The following HEATR3 variants were observed in gnomAD, a reference collection of about 807,000 sequenced individuals.
HEATR3 encodes HEAT repeat-containing protein 3.
Under a neutral mutation model 72.8 loss-of-function variants are expected in HEATR3, and 56 were observed. That is an observed-to-expected ratio of 0.77 (90% CI 0.62 to 0.96). The LOEUF (loss-of-function observed/expected upper bound fraction) is 0.96, where lower values mean the gene tolerates loss of function less well. HEATR3 is among the 40% of genes least tolerant of loss of function. The pLI is 0.00. For synonymous variants in HEATR3, 331 were observed against 318.1 expected (o/e 1.04, Z -0.43); for missense variants, 747 against 831.4 (o/e 0.90, Z 1.25).
intron 12 of HEATR3, among the ~76,000 whole-genome samples, chr16:50,096,399 A>AT (rs1447397089): frequency 6.6e-6 from 1 of 151,844 alleles, no homozygotes; most frequent in Admixed American, 6.6e-5. Context: ...TCAGGATCTA[A>AT]GCAAGGTTCA....
chr16:50,078,728 G>T lies in HEATR3; in HGVS notation c.764-13G>T. 1 of 1,601,920 alleles carries T rather than the reference G, an allele frequency of 6.2e-7. No homozygotes were observed. The highest frequency in any genetic ancestry group is 8.5e-7 in the Non-Finnish European group (1 of 1,174,780). ...ACAGGCATTTCTTATCCTTATGCTT[G>T]TTTTTTTCCCAGGCACAATTTGGAA... On this transcript the variant is annotated splice_polypyrimidine_tract_variant and intron_variant, in intron 6 of 14. Coordinates refer to ENST00000299192, the MANE Select transcript of HEATR3 (RefSeq NM_182922.4).
In HEATR3 at chr16:50,066,036, G is replaced by A. The variant is rs2036478149; in HGVS notation, c.-96G>A. ...GCTGCAGCCGTCAGCCGGCCCAGCT[G>A]AGCAGCAGCAACGGACCTTGTTAAC... On this transcript the variant is annotated 5_prime_UTR_variant, in exon 1 of 15. The change abolishes the stop of an existing upstream ORF in the 5' untranslated region. Transcript: ENST00000299192. 1.5e-6 allele frequency: 2 copies of A among 1,339,786 alleles called. No homozygotes were observed. The highest frequency in any genetic ancestry group is 2.9e-5 in the East Asian group (1 of 34,172). The allele number at this position is 1,339,786 out of a possible 1,614,324, so 83.0% of individuals were successfully genotyped here. A position where few individuals can be genotyped will look rare whatever the true frequency, so the allele number is the denominator to read the frequency against.
At position 50,100,393 on chromosome 16, in the gene HEATR3, A is replaced by C. The variant is rs779141465; in HGVS notation, c.1743+20A>C. 13 of 1,610,528 alleles carry C rather than the reference A, an allele frequency of 8.1e-6. No individual in the cohort carries two copies. Among genetic ancestry groups the C allele is most frequent in the Non-Finnish European group, 1.1e-5 (13 of 1,177,552 alleles). On this transcript the variant is annotated intron_variant, in intron 13 of 14. Transcript: ENST00000299192. ...CTTAAGGTAAAACAATTTGCTTCTG[A>C]CCTAACATGTTAAATAATTAGAAAT...
intron 11 of HEATR3, among the ~76,000 whole-genome samples, chr16:50,088,162 T>C (rs1007818236): frequency 7.9e-5 from 12 of 152,184 alleles, no homozygotes; most frequent in African/African-American, 2.2e-4. Flanking sequence ...TTTAACTAAA[T>C]ACAAGTTTTT....
At chr16:50,072,231 C>T (rs920519070) in intron 4 of HEATR3, among the ~76,000 whole-genome samples, 3 of 152,118 alleles carry the variant, frequency 2.0e-5, no homozygotes, top group Non-Finnish European at 2.9e-5. Flanking sequence ...CCTGGCTCTA[C>T]CACTAACAAA....
rs1387310694 is a variant in HEATR3 at position 50,078,725 on chromosome 16, C to T, written c.764-16C>T. On this transcript the variant is annotated splice_polypyrimidine_tract_variant and intron_variant, in intron 6 of 14. Coordinates refer to ENST00000299192, the MANE Select transcript of HEATR3 (RefSeq NM_182922.4). ...TTCACAGGCATTTCTTATCCTTATG[C>T]TTGTTTTTTTCCCAGGCACAATTTG... is the stretch of plus-strand genomic sequence containing the variant. 2.5e-6 allele frequency: 4 copies of T among 1,600,706 alleles called. No homozygotes were observed. Among genetic ancestry groups the T allele is most frequent in the Non-Finnish European group, 3.4e-6 (4 of 1,174,178 alleles).
intron 13 of HEATR3, chr16:50,100,621 A>C (rs1465842879): frequency 2.2e-6 from 1 of 450,324 alleles, no homozygotes; most frequent in East Asian, 4.5e-5. Flanking sequence ...TTTTTAAAAA[A>C]ATAAATCTGT....
In HEATR3 at chr16:50,086,243, T is replaced by C. The variant is rs912619158; in HGVS notation, c.1402T>C (p.Phe468Leu). 2 of 1,580,040 alleles carry C rather than the reference T, an allele frequency of 1.3e-6. No individual in the cohort carries two copies. Among genetic ancestry groups the C allele is most frequent in the Non-Finnish European group, 1.7e-6 (2 of 1,161,356 alleles). The part of the protein sequence containing the change: ...KMNTIQCRAL[F>L]CLQSLVSLLD... ...GAACACTATTCAGTGCAGAGCCCTCTTCTGTCTCCAGAGTCTTGTGTCCCT... is the reference window on the plus strand; with the variant it reads ...GAACACTATTCAGTGCAGAGCCCTCCTCTGTCTCCAGAGTCTTGTGTCCCT... The change falls in exon 11 of 15, where the codon TTC becomes CTC. Residue 468 changes from phenylalanine (F) to leucine (L), a missense_variant. By Grantham distance (22) the Phe-to-Leu change is conservative (BLOSUM62 0). Coordinates refer to ENST00000299192, the MANE Select transcript of HEATR3 (RefSeq NM_182922.4).
chr16:50,095,354 A>T (rs8047421), intron 12 of HEATR3, among the ~76,000 whole-genome samples: 1 of 147,904 alleles, frequency 6.8e-6, no homozygotes, highest in Non-Finnish European at 1.5e-5. Context: ...TGATCCACCC[A>T]CCTTGGCCTC....
chr16:50,091,775 G>A (rs954097723), intron 11 of HEATR3, among the ~76,000 whole-genome samples: 1 of 151,356 alleles, frequency 6.6e-6, no homozygotes, highest in Admixed American at 6.6e-5. Context: ...TCGGGAGGCT[G>A]AGGCAGGAGA....
intron 6 of HEATR3, 93 bp downstream of exon 6, chr16:50,075,804 T>A (rs777689032): frequency 5.8e-6 from 6 of 1,035,864 alleles, no homozygotes; most frequent in Non-Finnish European, 8.6e-6. Context: ...TTCAACACAT[T>A]AGGTCTTCTG....
chr16:50,106,872 G>T lies in HEATR3; in HGVS notation c.*1811G>T, dbSNP rs1232669628. Among the ~76,000 whole-genome samples, 1 of 152,142 alleles carries T rather than the reference G, an allele frequency of 6.6e-6. No individual in the cohort carries two copies. The highest frequency in any genetic ancestry group is 2.4e-5 in the African/African-American group (1 of 41,428). On this transcript the variant is annotated 3_prime_UTR_variant, in exon 15 of 15. Transcript: ENST00000299192. The stretch of plus-strand genomic sequence containing the variant: ...AACCAAGATTGTTTCCCAGCCCTAA[G>T]AGTTCCTAGCCCATGGCACCAAGTA...
chr16:50,093,541 C>A (rs528494675), intron 11 of HEATR3, among the ~76,000 whole-genome samples: 130 of 152,152 alleles, frequency 8.5e-4, no homozygotes, highest in Non-Finnish European at 1.6e-3. Context: ...AGGAATGTTC[C>A]TTCACATCCT....
chr16:50,066,309 G>T (rs774187891), intron 1 of HEATR3, 40 bp downstream of exon 1: 3 of 1,570,396 alleles, frequency 1.9e-6, no homozygotes, highest in Non-Finnish European at 2.6e-6. Flanking sequence ...GCGAGACGAG[G>T]TTGCCCCGCG....
At chr16:50,071,019 A>G (rs2036599273) in intron 4 of HEATR3, among the ~76,000 whole-genome samples, 1 of 152,092 alleles carries the variant, frequency 6.6e-6, no homozygotes, top group South Asian at 2.1e-4. Context: ...CTTTCCTGGC[A>G]CTTACTGTCT....
intron 2 of HEATR3, among the ~76,000 whole-genome samples, chr16:50,067,542 G>A (rs890580212): frequency 6.6e-6 from 1 of 152,094 alleles, no homozygotes; most frequent in Non-Finnish European, 1.5e-5. Context: ...GCTGAGAAGA[G>A]CAGGGGTGGG....
chr16:50,094,532 AG>A (rs1245475177), intron 11 of HEATR3, among the ~76,000 whole-genome samples, 172 bp from the exon 12 acceptor site: 2 of 152,110 alleles, frequency 1.3e-5, no homozygotes, highest in South Asian at 4.1e-4. Flanking sequence ...TAGAGTGTAC[AG>A]GGGGCTGTTA....
intron 7 of HEATR3, among the ~76,000 whole-genome samples, chr16:50,079,317 C>T (rs1399150297): frequency 6.6e-6 from 1 of 152,200 alleles, no homozygotes; most frequent in East Asian, 1.9e-4. Context: ...ACTCTTGCTT[C>T]TCCCCACTTC....
At chr16:50,072,843 A>C in intron 5 of HEATR3, 129 bp downstream of exon 5, 1 of 651,952 alleles carries the variant, frequency 1.5e-6, no homozygotes, top group African/African-American at 1.8e-5. Flanking sequence ...GTAGCTCAGC[A>C]CCTGTTTTTT....
Sources: gnomAD v4.1 joint callset for allele counts (sites outside exome capture counted in the v4.1 genomes callset) on GRCh38, gnomAD v4.1.1 for gene constraint, MANE v1.5 for transcripts, NCBI Gene and HGNC (gene_info 2026-07-23, HGNC 2026-07-21) for gene names.